Variants in AOAH observed in about 807,000 individuals in gnomAD.
AOAH encodes acyloxyacyl hydrolase (neutrophil).
AOAH carries 64 observed loss-of-function variants against 92.2 expected under a neutral mutation model. The ratio of observed to expected loss-of-function variants is 0.69; its 90% CI spans 0.57 to 0.86. The LOEUF (loss-of-function observed/expected upper bound fraction) is 0.86. AOAH is among the 40% of genes least tolerant of loss of function. The pLI is 0.00. For missense variants in AOAH, 656 were observed against 694.6 expected, an observed-to-expected ratio of 0.94 and a Z score of 0.62; for synonymous variants, 263 against 254.5, an observed-to-expected ratio of 1.03 and a Z score of -0.32.
At chr7:36,531,941 A>G (rs1784719301) in intron 18 of AOAH, among the ~76,000 whole-genome samples, 1 of 152,152 alleles carries the variant, frequency 6.6e-6, no homozygotes, top group South Asian at 2.1e-4. Flanking sequence ...AAACACAGTC[A>G]GCAGAGGACA....
chr7:36,661,337 AATTTC>A (rs1795202648), intron 3 of AOAH: 1 of 152,202 alleles, frequency 6.6e-6, no homozygotes, highest in Non-Finnish European at 1.5e-5. Flanking sequence ...GTGCTGTCGT[AATTTC>A]CTGCCAGGTG....
intron 1 of AOAH, among the ~76,000 whole-genome samples, chr7:36,696,229 A>AC: frequency 6.6e-6 from 1 of 152,238 alleles, no homozygotes; most frequent in Non-Finnish European, 1.5e-5. Context: ...ATTCTCCAAT[A>AC]CCGTTCTTCA....
intron 15 of AOAH, among the ~76,000 whole-genome samples, chr7:36,543,593 G>A (rs1016588968): frequency 3.3e-5 from 5 of 151,130 alleles, no homozygotes; most frequent in African/African-American, 4.9e-5. Context: ...TTTTTTTTTC[G>A]GTTAGAGGCA....
Position 36,540,586 on chromosome 7 carries a change from G to GCA in AOAH, c.1134-97_1134-96dup, listed in dbSNP as rs150931610. 1.9e-3 allele frequency: 1,948 copies of GCA among 1,020,024 alleles called. 11 individuals carry two copies. The East Asian group carries it at 0.021, about 11-fold the overall frequency. The allele number at this position is 1,020,024 out of a possible 1,614,324, so 63.2% of individuals were successfully genotyped here. On this transcript the variant is annotated intron_variant, in intron 15 of 20. Transcript: ENST00000617537. ...TACAAGATACATCACACACACATAC[G>GCA]CACACACACACACACAGTGTGGTGG...
chr7:36,635,567 A>G (rs931334347), intron 5 of AOAH, among the ~76,000 whole-genome samples: 2 of 152,088 alleles, frequency 1.3e-5, no homozygotes, highest in African/African-American at 4.8e-5. Context: ...AGATGATTCT[A>G]TTGAGCGGGT....
At chr7:36,566,245 A>G (rs1456320835) in intron 13 of AOAH, among the ~76,000 whole-genome samples, 1 of 152,120 alleles carries the variant, frequency 6.6e-6, no homozygotes, top group African/African-American at 2.4e-5. Flanking sequence ...TTGTTCCATA[A>G]TAGAGATCAT....
chr7:36,698,361 G>A (rs1457808653), intron 1 of AOAH, among the ~76,000 whole-genome samples: 1 of 151,774 alleles, frequency 6.6e-6, no homozygotes, highest in Non-Finnish European at 1.5e-5. Context: ...CAATTTTATT[G>A]ATCATTTCAA....
At chr7:36,514,406 C>T in intron 20 of AOAH, 4 of 1,263,650 alleles carry the variant, frequency 3.2e-6, no homozygotes, top group South Asian at 1.3e-5. Flanking sequence ...GGCTGAAGTG[C>T]CAGAGAGGAA....
intron 1 of AOAH, among the ~76,000 whole-genome samples, chr7:36,688,765 G>A (rs1797195456): frequency 1.3e-5 from 2 of 151,662 alleles, no homozygotes; most frequent in Admixed American, 1.3e-4. Flanking sequence ...CTGGGTTGGA[G>A]AATAAAGGCA....
At chr7:36,684,813 C>T (rs1214153952) in intron 2 of AOAH, among the ~76,000 whole-genome samples, 1 of 141,202 alleles carries the variant, frequency 7.1e-6, no homozygotes, top group Non-Finnish European at 1.5e-5. Flanking sequence ...AGTCTTAGAT[C>T]CTTGGGAGGC....
intron 16 of AOAH, among the ~76,000 whole-genome samples, chr7:36,538,218 A>G (rs1306822810): frequency 1.3e-5 from 2 of 150,838 alleles, no homozygotes; most frequent in Non-Finnish European, 3.0e-5. Flanking sequence ...AGAAGAGACG[A>G]GGTTTCACTA....
At position 36,513,166 on chromosome 7, in the gene AOAH, G is replaced by T; in HGVS notation, c.*86C>A. The T allele has an allele frequency of 6.2e-7, 1 of 1,613,592 alleles. No homozygotes were observed. Among genetic ancestry groups the T allele is most frequent in the Non-Finnish European group, 8.5e-7 (1 of 1,180,002 alleles). ...AAGAAGAGTCCTTTGGGCCTGTGACGTGGCAGCCCCCATAGGGTTTGTGGA... is the reference window on the plus strand; with the variant it reads ...AAGAAGAGTCCTTTGGGCCTGTGACTTGGCAGCCCCCATAGGGTTTGTGGA... On this transcript the variant is annotated 3_prime_UTR_variant, in exon 21 of 21. Transcript: ENST00000617537.
At chr7:36,642,659 C>T (rs963098333) in intron 4 of AOAH, among the ~76,000 whole-genome samples, 3 of 152,170 alleles carry the variant, frequency 2.0e-5, no homozygotes, top group African/African-American at 7.2e-5. Context: ...TGCTCATCAC[C>T]ATCAGTATTT....
intron 13 of AOAH, among the ~76,000 whole-genome samples, chr7:36,572,363 T>TA (rs938162942): frequency 6.6e-6 from 1 of 151,064 alleles, no homozygotes; most frequent in Non-Finnish European, 1.5e-5. Flanking sequence ...ATGAATAAAA[T>TA]AAAAAATAAA....
chr7:36,710,155 A>G (rs1437366580), intron 1 of AOAH, among the ~76,000 whole-genome samples: 1 of 152,182 alleles, frequency 6.6e-6, no homozygotes, highest in Non-Finnish European at 1.5e-5. Context: ...AAATGACTGG[A>G]TATCACTTCC....
rs781096802 is a variant in AOAH at position 36,620,827 on chromosome 7, G to A, written c.656C>T (p.Pro219Leu). 3 of 1,613,324 alleles carry A rather than the reference G, an allele frequency of 1.9e-6. No individual in the cohort carries two copies. In the East Asian group the frequency reaches 6.7e-5, roughly 36 times the overall value. The change falls in exon 9 of 21, where the codon CCG becomes CTG. Residue 219 changes from proline to leucine, a missense_variant and splice_region_variant. By Grantham distance (98) the Pro-to-Leu change is moderately conservative. Coordinates refer to ENST00000617537, the MANE Select transcript of AOAH (RefSeq NM_001637.4). ...ATCCTGATGGACATCCCAGTTGTTC[G>A]GCCTAAGAAAAAAACATTAACATTG... ...SDESVYPGRR[P>L]NNWDVHQDSN...
At chr7:36,552,314 TC>T (rs1453476188) in intron 13 of AOAH, among the ~76,000 whole-genome samples, 2 of 152,188 alleles carry the variant, frequency 1.3e-5, no homozygotes, top group Admixed American at 6.5e-5. Context: ...TCCACCCATG[TC>T]CCTGCAAAGA....
chr7:36,636,934 T>G (rs1793563760), intron 5 of AOAH, among the ~76,000 whole-genome samples: 1 of 152,224 alleles, frequency 6.6e-6, no homozygotes, highest in South Asian at 2.1e-4. Context: ...AGGTGAATGA[T>G]GAGCTAGCCA....
At chr7:36,650,548 G>A (rs545009103) in intron 4 of AOAH, among the ~76,000 whole-genome samples, 5 of 152,288 alleles carry the variant, frequency 3.3e-5, no homozygotes, top group Admixed American at 6.5e-5. Context: ...TTCAGTGCTC[G>A]TCAAAAGCGT....
Sources: gnomAD v4.1 joint callset for allele counts (sites outside exome capture counted in the v4.1 genomes callset) on GRCh38, gnomAD v4.1.1 for gene constraint, MANE v1.5 for transcripts, NCBI Gene and HGNC (gene_info 2026-07-23, HGNC 2026-07-21) for gene names.